The following CNTNAP2 variants were observed in gnomAD, a reference collection of about 807,000 sequenced individuals.
The protein encoded by CNTNAP2 is contactin-associated protein-like 2.
A neutral mutation model predicts 155.2 loss-of-function variants in CNTNAP2; 98 were observed. That is an observed-to-expected ratio of 0.63 (90% CI 0.54 to 0.75). CNTNAP2 has a LOEUF of 0.75. Among genes scored for constraint, CNTNAP2 ranks in the 30% least tolerant of loss-of-function variants. The probability of loss-of-function intolerance (pLI) is 0.00; values close to 1 mark genes in which losing one functional copy is unlikely to be tolerated. For missense variants in CNTNAP2, 1,727 were observed against 1,688.1 expected, an observed-to-expected ratio of 1.02 and a Z score of -0.40; for synonymous variants, 651 against 631.2, an observed-to-expected ratio of 1.03 and a Z score of -0.47.
intron 9 of CNTNAP2, among the ~76,000 whole-genome samples, chr7:147,331,364 T>C (rs377501362): frequency 2.6e-5 from 4 of 152,266 alleles, no homozygotes; most frequent in Admixed American, 6.5e-5. Context: ...GAAGTAAAGA[T>C]AAATTCTATT....
intron 3 of CNTNAP2, among the ~76,000 whole-genome samples, chr7:147,033,069 C>T (rs1799066185): frequency 6.7e-6 from 1 of 149,900 alleles, no homozygotes; most frequent in Non-Finnish European, 1.5e-5. Flanking sequence ...AAAATGCTTT[C>T]ACAACATTGA....
chr7:148,223,247 T>A (rs1032893676), intron 19 of CNTNAP2, among the ~76,000 whole-genome samples: 1 of 152,162 alleles, frequency 6.6e-6, no homozygotes, highest in Non-Finnish European at 1.5e-5. Context: ...TCTCCTTGCT[T>A]TAAACTCCTA....
chr7:148,095,105 C>T lies in CNTNAP2; in HGVS notation c.2384-23013C>T, dbSNP rs73744742. Among the ~76,000 whole-genome samples the T allele has an allele frequency of 4.2e-3, 635 of 152,350 alleles. 7 individuals are homozygous for T. The highest frequency in any genetic ancestry group is 0.014 in the African/African-American group (602 of 41,590). ...GCACAGAAATCAGGGCTACAGGCTA[C>T]ATGCCAAGCCTCTGAACTTCCTCCG... On this transcript the variant is annotated intron_variant, in intron 15 of 23. Coordinates refer to ENST00000361727, the MANE Select transcript of CNTNAP2 (RefSeq NM_014141.6).
intron 23 of CNTNAP2, among the ~76,000 whole-genome samples, chr7:148,410,067 AAGAAAG>A (rs1217745084): frequency 2.2e-5 from 1 of 45,528 alleles, no homozygotes; most frequent in Non-Finnish European, 8.2e-5. Context: ...AAAAAAAAAA[AAGAAAG>A]AAAGAAAGAA....
chr7:147,802,745 C>A (rs950129281), intron 13 of CNTNAP2, among the ~76,000 whole-genome samples: 1 of 129,102 alleles, frequency 7.7e-6, no homozygotes, highest in African/African-American at 3.0e-5. Flanking sequence ...AGCTTCCGCT[C>A]GGCATCAGAG....
At chr7:146,325,083 C>T (rs921678562) in intron 1 of CNTNAP2, among the ~76,000 whole-genome samples, 8 of 151,974 alleles carry the variant, frequency 5.3e-5, no homozygotes, top group African/African-American at 1.7e-4. Flanking sequence ...CACAGGTGCA[C>T]ACTACTACCA....
At chr7:147,271,621 G>A (rs1007078043) in intron 8 of CNTNAP2, among the ~76,000 whole-genome samples, 1 of 152,140 alleles carries the variant, frequency 6.6e-6, no homozygotes, top group South Asian at 2.1e-4. Context: ...GATGGAAGGC[G>A]AAAAGCATGT....
At chr7:147,272,691 T>G (rs1804782800) in intron 8 of CNTNAP2, among the ~76,000 whole-genome samples, 1 of 150,024 alleles carries the variant, frequency 6.7e-6, no homozygotes, top group East Asian at 2.0e-4. Flanking sequence ...GTATTTGTAG[T>G]GGAGATGGGG....
intron 1 of CNTNAP2, among the ~76,000 whole-genome samples, chr7:146,681,817 A>T (rs983849377): frequency 6.6e-6 from 1 of 152,130 alleles, no homozygotes; most frequent in African/African-American, 2.4e-5. Context: ...GTTAGAGAAT[A>T]TGTTAATGTG....
At chr7:148,243,490 C>G (rs1252596798) in intron 20 of CNTNAP2, among the ~76,000 whole-genome samples, 2 of 152,194 alleles carry the variant, frequency 1.3e-5, no homozygotes, top group African/African-American at 4.8e-5. Flanking sequence ...CACGGTTCCA[C>G]ATGGCTGGGG....
intron 1 of CNTNAP2, among the ~76,000 whole-genome samples, chr7:146,512,388 T>A (rs1031572339): frequency 3.3e-5 from 5 of 151,936 alleles, no homozygotes; most frequent in African/African-American, 1.2e-4. Flanking sequence ...GGCAGCTTAT[T>A]TGAAGCTTTA....
intron 12 of CNTNAP2, among the ~76,000 whole-genome samples, chr7:147,595,162 A>G (rs1800804446): frequency 6.6e-6 from 1 of 152,138 alleles, no homozygotes; most frequent in Non-Finnish European, 1.5e-5. Flanking sequence ...ATCTCCTTCA[A>G]TAAAAAGAGC....
chr7:146,799,970 AAAGT>A (rs1802844544), intron 2 of CNTNAP2, among the ~76,000 whole-genome samples: 1 of 119,808 alleles, frequency 8.3e-6, no homozygotes, highest in Non-Finnish European at 1.6e-5. Context: ...TTAAATAAAA[AAAGT>A]ATGAAAATAT....
chr7:147,975,518 T>A (rs955303971), intron 14 of CNTNAP2, among the ~76,000 whole-genome samples: 4 of 152,136 alleles, frequency 2.6e-5, no homozygotes, highest in African/African-American at 9.7e-5. Context: ...CCATACTATC[T>A]TATAGATGCT....
chr7:147,019,496 C>A (rs553427421), intron 3 of CNTNAP2, among the ~76,000 whole-genome samples: 12 of 152,088 alleles, frequency 7.9e-5, no homozygotes, highest in African/African-American at 2.9e-4. Context: ...TATAACCTTC[C>A]TAGAAGGGCT....
At chr7:147,629,392 A>G (rs998637846) in intron 12 of CNTNAP2, among the ~76,000 whole-genome samples, 7 of 143,592 alleles carry the variant, frequency 4.9e-5, no homozygotes, top group African/African-American at 1.6e-4. Flanking sequence ...AACAAGAGCA[A>G]AACTCTGTCT....
chr7:146,235,697 C>A (rs866953916), intron 1 of CNTNAP2, among the ~76,000 whole-genome samples: 1 of 151,952 alleles, frequency 6.6e-6, no homozygotes, highest in Non-Finnish European at 1.5e-5. Flanking sequence ...GCCGTGGCTG[C>A]GTGAGAAAAC....
intron 12 of CNTNAP2, among the ~76,000 whole-genome samples, chr7:147,630,662 A>T (rs1482092072): frequency 2.0e-5 from 3 of 152,166 alleles, no homozygotes; most frequent in Non-Finnish European, 2.9e-5. Context: ...TGCAGGGATG[A>T]TTTAACATAC....
At chr7:147,522,311 T>C (rs1471470124) in intron 11 of CNTNAP2, among the ~76,000 whole-genome samples, 1 of 152,206 alleles carries the variant, frequency 6.6e-6, no homozygotes, top group Non-Finnish European at 1.5e-5. Flanking sequence ...TGATTTTAAT[T>C]GGTGCTTAAA....
Sources: allele counts gnomAD v4.1 joint callset (sites outside exome capture counted in the v4.1 genomes callset), GRCh38; gene constraint gnomAD v4.1.1; transcripts MANE v1.5; gene names NCBI Gene and HGNC (gene_info 2026-07-23, HGNC 2026-07-21).